NDOR1: variants seen among roughly 807,000 people sequenced by gnomAD.
NDOR1 encodes NADPH dependent diflavin oxidoreductase 1, also known as NADPH-dependent diflavin oxidoreductase 1.
Under a neutral mutation model 67.2 loss-of-function variants are expected in NDOR1, and 61 were observed. That is an observed-to-expected ratio of 0.91 (90% CI 0.74 to 1.12). NDOR1 has a LOEUF of 1.12. Ranked by LOEUF, NDOR1 falls within the 50% of genes most tolerant of loss-of-function variation. The pLI is 0.00. For missense variants in NDOR1, 878 were observed against 802.8 expected (o/e 1.09, Z -1.13); for synonymous variants, 378 against 343.7 (o/e 1.10, Z -1.10).
chr9:137,206,773 G>T (rs1440170558), intron 2 of NDOR1, among the ~76,000 whole-genome samples: 2 of 152,188 alleles, frequency 1.3e-5, no homozygotes, highest in Non-Finnish European at 2.9e-5. Flanking sequence ...AACACCTGCT[G>T]CTGGGGAAAG....
At position 137,214,205 on chromosome 9, in the gene NDOR1, C is replaced by G; in HGVS notation, c.514C>G (p.Leu172Val). ...TCTGACCAGCGTGCCCTCCCACAGC[C>G]TGCCCTCCAAGTTCACCCTGCTGTT... The part of the protein sequence containing the change: ...GLTEIPPGVP[L>V]PSKFTLLFLQ... The change falls in exon 6 of 14, where the codon CTG (leucine) becomes GTG (valine). Residue 172 changes from leucine (L) to valine (V), a missense_variant and splice_region_variant. Coordinates refer to ENST00000684003, the MANE Select transcript of NDOR1 (RefSeq NM_014434.4). 1 of 1,610,136 alleles carries G rather than the reference C, an allele frequency of 6.2e-7. No homozygotes were observed. Among genetic ancestry groups the G allele is most frequent in the Non-Finnish European group, 8.5e-7 (1 of 1,179,204 alleles).
rs1440491507 is a variant in NDOR1 at position 137,216,542 on chromosome 9, G to A, written c.*126G>A. 3.1e-6 allele frequency: 4 copies of A among 1,280,728 alleles called. No homozygotes were observed. In the East Asian group the frequency reaches 1.0e-4, roughly 32 times the overall value. The allele number at this position is 1,280,728 out of a possible 1,614,324, so 79.3% of individuals were successfully genotyped here. A position where few individuals can be genotyped will look rare whatever the true frequency, so the allele number is the denominator to read the frequency against. On this transcript the variant is annotated 3_prime_UTR_variant, in exon 14 of 14. Coordinates refer to ENST00000684003, the MANE Select transcript of NDOR1 (RefSeq NM_014434.4). ...CCAGCCAGCTGGTCCTCTGGGAACA[G>A]CCAGCTCCCGAGCACAGCCGCACTC... is the stretch of plus-strand genomic sequence containing the variant.
chr9:137,215,049 T>C (rs1469201017), intron 8 of NDOR1, 31 bp downstream of exon 8: 2 of 1,612,316 alleles, frequency 1.2e-6, no homozygotes, highest in Admixed American at 1.7e-5. Context: ...GCCCAGCCCC[T>C]GAGCTACAGC....
Position 137,214,196 on chromosome 9 carries a change from T to G in NDOR1, c.513-8T>G. On this transcript the variant is annotated splice_region_variant and splice_polypyrimidine_tract_variant and intron_variant, in intron 5 of 13. Transcript: ENST00000684003. ...GGGTCCTGGTCTGACCAGCGTGCCC[T>G]CCCACAGCCTGCCCTCCAAGTTCAC... 1 of 1,607,386 alleles carries G rather than the reference T, an allele frequency of 6.2e-7. No homozygotes were observed. Among genetic ancestry groups the G allele is most frequent in the Non-Finnish European group, 8.5e-7 (1 of 1,178,270 alleles).
Position 137,216,775 on chromosome 9 carries a change from G to A in NDOR1, c.*359G>A, listed in dbSNP as rs772391031. 40 of 324,664 alleles carry A rather than the reference G, an allele frequency of 1.2e-4. No individual in the cohort carries two copies. Among genetic ancestry groups the A allele is most frequent in the Non-Finnish European group, 2.3e-4 (39 of 169,748 alleles). 20.1% of individuals were successfully genotyped at this position (324,664 alleles called of 1,614,324 possible). On this transcript the variant is annotated 3_prime_UTR_variant, in exon 14 of 14. Coordinates refer to ENST00000684003, the MANE Select transcript of NDOR1 (RefSeq NM_014434.4). ...CAGTGAGCACCAGGGGTGGCATAGGGCACCCATGAGGCTGCGCTGCACTCC... is the reference window on the plus strand; with the variant it reads ...CAGTGAGCACCAGGGGTGGCATAGGACACCCATGAGGCTGCGCTGCACTCC...
At position 137,218,079 on chromosome 9, in the gene NDOR1, C is replaced by A. The variant is rs965676566; in HGVS notation, c.*1663C>A. 58 of 398,908 alleles carry A rather than the reference C, an allele frequency of 1.5e-4. No individual in the cohort carries two copies. Among genetic ancestry groups the A allele is most frequent in the Non-Finnish European group, 2.5e-4 (57 of 226,410 alleles). 24.7% of individuals were successfully genotyped at this position (398,908 alleles called of 1,614,324 possible). A position where few individuals can be genotyped will look rare whatever the true frequency, so the allele number is the denominator to read the frequency against. On this transcript the variant is annotated 3_prime_UTR_variant, in exon 14 of 14. Coordinates refer to ENST00000684003, the MANE Select transcript of NDOR1 (RefSeq NM_014434.4). ...GGGCAGGGGGAAGAGGAGGAGTGCC[C>A]GATCTGCACAGAGCCCTACGGGCCC...
chr9:137,205,829 C>A lies in NDOR1; in HGVS notation c.52C>A (p.Gln18Lys). The A allele has an allele frequency of 6.2e-7, 1 of 1,605,496 alleles. No individual in the cohort carries two copies. The highest frequency in any genetic ancestry group is 8.5e-7 in the Non-Finnish European group (1 of 1,179,660). The change falls in exon 1 of 14, where the codon CAG (glutamine) becomes AAG (lysine). Residue 18 changes from glutamine to lysine, a missense_variant. Physicochemically the swap from Gln to Lys is moderately conservative, Grantham distance 53. Transcript: ENST00000684003. ...CTTCGGCAGCCAGACAGGCACGGCT[C>A]AGGATGTGTCGGAGAGACTGGGTCG... Reference protein sequence around the residue: ...VLFGSQTGTAQDVSERLGREA... With the variant: ...VLFGSQTGTAKDVSERLGREA...
chr9:137,208,143 CAAAAAA>C (rs34327783), intron 2 of NDOR1, among the ~76,000 whole-genome samples: 1 of 57,104 alleles, frequency 1.8e-5, no homozygotes, highest in Non-Finnish European at 3.5e-5. Flanking sequence ...TAGACTCTGT[CAAAAAA>C]AAAAAAAAAA....
At chr9:137,206,889 G>A (rs1003091122) in intron 2 of NDOR1, among the ~76,000 whole-genome samples, 6 of 152,174 alleles carry the variant, frequency 3.9e-5, no homozygotes, top group African/African-American at 9.7e-5. Flanking sequence ...GCTGAGTCAC[G>A]GAAGGATGCG....
In NDOR1 at chr9:137,218,327, T is replaced by C; in HGVS notation, c.*1911T>C. On this transcript the variant is annotated 3_prime_UTR_variant, in exon 14 of 14. Coordinates refer to ENST00000684003, the MANE Select transcript of NDOR1 (RefSeq NM_014434.4). Reference sequence around the variant, plus strand: ...GCCCCGCCGAGAGGCCCCTGCATCCTATCACCGCAACCCTGGGCCCTGGGG... The same window carrying C: ...GCCCCGCCGAGAGGCCCCTGCATCCCATCACCGCAACCCTGGGCCCTGGGG... 1 of 397,990 alleles carries C rather than the reference T, an allele frequency of 2.5e-6. No homozygotes were observed. Among genetic ancestry groups the C allele is most frequent in the Non-Finnish European group, 4.4e-6 (1 of 225,710 alleles). 24.7% of individuals were successfully genotyped at this position (397,990 alleles called of 1,614,324 possible).
chr9:137,218,402 G>A lies in NDOR1; in HGVS notation c.*1986G>A, dbSNP rs911430443. On this transcript the variant is annotated 3_prime_UTR_variant, in exon 14 of 14. Coordinates refer to ENST00000684003, the MANE Select transcript of NDOR1 (RefSeq NM_014434.4). ...GCGCTTCCTGGCAGGGCCCGTGGGC[G>A]GCCGGGGCTGCCTGCCCTTCCTGCC... 59 of 398,328 alleles carry A rather than the reference G, an allele frequency of 1.5e-4. No individual in the cohort carries two copies. The highest frequency in any genetic ancestry group is 9.3e-4 in the East Asian group (26 of 28,050). 24.7% of individuals were successfully genotyped at this position (398,328 alleles called of 1,614,324 possible).
chr9:137,215,382 A>ACCCCCCCCCCCCCCTCCACCC, intron 9 of NDOR1, 25 bp from the exon 10 acceptor site: 1 of 1,058,056 alleles, frequency 9.5e-7, no homozygotes, highest in Non-Finnish European at 1.4e-6. Context: ...TTGTTCCACC[A>ACCCCCCCCCCCCCCTCCACCC]CCCCCACCCC....
At position 137,212,995 on chromosome 9, in the gene NDOR1, C is replaced by G. The variant is rs755155215; in HGVS notation, c.311+396C>G. ...GCATTTTCACAGTGCTCCTCTGCACCCTAAGCAAGGAGTGGCATGTTCAGT... is the reference window on the plus strand; with the variant it reads ...GCATTTTCACAGTGCTCCTCTGCACGCTAAGCAAGGAGTGGCATGTTCAGT... On this transcript the variant is annotated intron_variant, in intron 3 of 13. Coordinates refer to ENST00000684003, the MANE Select transcript of NDOR1 (RefSeq NM_014434.4). The surrounding 1 kb of genome is among the most constrained non-coding windows in gnomAD (Gnocchi z 4.3). 2.8e-4 allele frequency among the ~76,000 whole-genome samples: 43 copies of G among 152,300 alleles called. No homozygotes were observed. Among genetic ancestry groups the G allele is most frequent in the Non-Finnish European group, 4.4e-4 (30 of 68,032 alleles).
At position 137,216,147 on chromosome 9, in the gene NDOR1, G is replaced by A; in HGVS notation, c.1608G>A (p.Trp536Ter). 6.2e-7 allele frequency: 1 copy of A among 1,613,588 alleles called. No individual in the cohort carries two copies. The highest frequency in any genetic ancestry group is 1.1e-5 in the South Asian group (1 of 91,088). ...TCCGGGAGCTGGGGTCGCTTGTGTG[G>A]GAACTGCTGGACCGCCAGGGTGCAT... The part of the protein sequence containing the change: ...HRLRELGSLV[W>*]ELLDRQGAYF... Residue 536 changes from tryptophan to a stop codon, truncating the protein, a stop_gained, in exon 13 of 14, where the codon TGG (tryptophan) becomes TGA (stop). Transcript: ENST00000684003. LOFTEE classifies it low-confidence loss of function (END_TRUNC).
rs748732578 is a variant in NDOR1 at position 137,214,296 on chromosome 9, C to A, written c.605C>A (p.Pro202His). 2 of 1,613,992 alleles carry A rather than the reference C, an allele frequency of 1.2e-6. No individual in the cohort carries two copies. Among genetic ancestry groups the A allele is most frequent in the Middle Eastern group, 1.6e-4 (1 of 6,062 alleles). Reference sequence around the variant, plus strand: ...GTAGCTCACCCCGGCTCTCAGGAGCCCCCGTCAGAGTCGAAGCCCTTCCTA... The same window carrying A: ...GTAGCTCACCCCGGCTCTCAGGAGCACCCGTCAGAGTCGAAGCCCTTCCTA... ...QRVAHPGSQE[P>H]PSESKPFLAP... Residue 202 changes from proline to histidine, a missense_variant, in exon 6 of 14, where the codon CCC (proline) becomes CAC (histidine). By Grantham distance (77) the Pro-to-His change is moderately conservative. Coordinates refer to ENST00000684003, the MANE Select transcript of NDOR1 (RefSeq NM_014434.4).
At position 137,215,798 on chromosome 9, in the gene NDOR1, C is replaced by T. The variant is rs1835547618; in HGVS notation, c.1428C>T (p.Gly476=). ...CCATCCAGGAGCGTGTGGCCCAGGGCCAGACTGGTGAGCACCCAGGGTCTC... is the reference window on the plus strand; with the variant it reads ...CCATCCAGGAGCGTGTGGCCCAGGGTCAGACTGGTGAGCACCCAGGGTCTC... ...RAAIQERVAQ[G]QTGNFLFFGC... Residue 476 remains glycine (G), a synonymous_variant, in exon 11 of 14, where the codon GGC becomes GGT. Coordinates refer to ENST00000684003, the MANE Select transcript of NDOR1 (RefSeq NM_014434.4). 2 of 1,597,230 alleles carry T rather than the reference C, an allele frequency of 1.3e-6. No homozygotes were observed. Among genetic ancestry groups the T allele is most frequent in the Non-Finnish European group, 1.7e-6 (2 of 1,171,182 alleles).
intron 2 of NDOR1, among the ~76,000 whole-genome samples, chr9:137,209,794 G>C (rs1354135773): frequency 6.6e-6 from 1 of 152,248 alleles, no homozygotes; most frequent in East Asian, 1.9e-4. Flanking sequence ...CCTGTCTGGT[G>C]AAGAAACCCA....
intron 4 of NDOR1, 25 bp from the exon 5 acceptor site, chr9:137,213,942 G>A (rs781324427): frequency 1.3e-6 from 2 of 1,576,962 alleles, no homozygotes; most frequent in South Asian, 1.2e-5. Context: ...GGTCCGCTCA[G>A]GCCAGCGCAC....
At position 137,216,640 on chromosome 9, in the gene NDOR1, C is replaced by T. The variant is rs541674571; in HGVS notation, c.*224C>T. The T allele has an allele frequency of 1.3e-5, 8 of 604,940 alleles. No individual in the cohort carries two copies. The highest frequency in any genetic ancestry group is 1.2e-4 in the South Asian group (6 of 50,386). 37.5% of individuals were successfully genotyped at this position (604,940 alleles called of 1,614,324 possible). A position where few individuals can be genotyped will look rare whatever the true frequency, so the allele number is the denominator to read the frequency against. On this transcript the variant is annotated 3_prime_UTR_variant, in exon 14 of 14. Coordinates refer to ENST00000684003, the MANE Select transcript of NDOR1 (RefSeq NM_014434.4). ...CTGCCCAGCCAGCCCTGCGCTCCCC[C>T]ACCCTGACAGTGAGCTGTGTCCTCG...
Sources: gnomAD v4.1 joint callset for allele counts (sites outside exome capture counted in the v4.1 genomes callset) on GRCh38, gnomAD v4.1.1 for gene constraint, Gnocchi (gnomAD v3.1) non-coding constraint, MANE v1.5 for transcripts, NCBI Gene and HGNC (gene_info 2026-07-23, HGNC 2026-07-21) for gene names.